The following ABHD17B variants were observed in gnomAD, a reference collection of about 807,000 sequenced individuals.
ABHD17B encodes the protein abhydrolase domain containing 17B, depalmitoylase, also known as alpha/beta hydrolase domain-containing protein 17B.
A neutral mutation model predicts 26.2 loss-of-function variants in ABHD17B; 9 were observed. The observed-to-expected ratio is 0.34, with a 90% CI of 0.21 to 0.60. The LOEUF (loss-of-function observed/expected upper bound fraction) is 0.60. Ranked by LOEUF, ABHD17B falls within the 20% of genes least tolerant of loss-of-function variation. The probability of loss-of-function intolerance (pLI) is 0.80; values close to 1 mark genes in which losing one functional copy is unlikely to be tolerated. For missense variants in ABHD17B, 224 were observed against 352.1 expected, an observed-to-expected ratio of 0.64 and a Z score of 2.91; for synonymous variants, 127 against 122.3, an observed-to-expected ratio of 1.04 and a Z score of -0.25.
intron 1 of ABHD17B, among the ~76,000 whole-genome samples, chr9:71,906,640 A>C (rs13287080): frequency 0.16 from 25,096 of 152,120 alleles, 2,563 homozygotes; most frequent in Admixed American, 0.3. Flanking sequence ...CAAGATAGCA[A>C]GACCCTGTCT....
rs533719916 is a variant in ABHD17B, at chr9:71,869,502, T to C, written c.647+581A>G. Reference sequence around the variant, plus strand: ...GAACTACCTCCTGTCTTGAGAAGCATGAAGGAAAAGTAGCTACTTTCCTTT... The same window carrying C: ...GAACTACCTCCTGTCTTGAGAAGCACGAAGGAAAAGTAGCTACTTTCCTTT... On this transcript the variant is annotated intron_variant, in intron 3 of 3. Coordinates refer to ENST00000333421, the MANE Select transcript of ABHD17B (RefSeq NM_001025780.3). Among the ~76,000 whole-genome samples, 3 of 152,320 alleles carry C rather than the reference T, an allele frequency of 2.0e-5. No homozygotes were observed. The South Asian group carries it at 6.2e-4, about 32-fold the overall frequency.
At chr9:71,892,723 T>C (rs749069711) in intron 1 of ABHD17B, among the ~76,000 whole-genome samples, 4 of 152,090 alleles carry the variant, frequency 2.6e-5, no homozygotes, top group Non-Finnish European at 5.9e-5. Context: ...TGTCATTTCC[T>C]ACAGCTGTTT....
At position 71,893,647 on chromosome 9, in the gene ABHD17B, C is replaced by T. The variant is rs548656009; in HGVS notation, c.-4+16987G>A. ...TTAAATCACTGGCTGTTGGTATCAA[C>T]TTAACCTTCACGCCCTCTCTCCTAC... On this transcript the variant is annotated intron_variant, in intron 1 of 3. Coordinates refer to ENST00000333421, the MANE Select transcript of ABHD17B (RefSeq NM_001025780.3). Among the ~76,000 whole-genome samples, 6 of 152,314 alleles carry T rather than the reference C, an allele frequency of 3.9e-5. No individual in the cohort carries two copies. The South Asian group carries it at 1.2e-3, about 32-fold the overall frequency.
At chr9:71,901,009 G>A (rs889647661) in intron 1 of ABHD17B, among the ~76,000 whole-genome samples, 91 of 152,072 alleles carry the variant, frequency 6.0e-4, no homozygotes, top group African/African-American at 1.9e-3. Flanking sequence ...AAAATTAGCC[G>A]GGCATGGTAG....
chr9:71,869,252 T>A (rs946188440), intron 3 of ABHD17B, among the ~76,000 whole-genome samples: 6 of 152,234 alleles, frequency 3.9e-5, no homozygotes, highest in African/African-American at 1.4e-4. Flanking sequence ...CTTTCCCTAC[T>A]AAAGTGATCC....
chr9:71,878,948 G>A (rs1826360204), intron 1 of ABHD17B, among the ~76,000 whole-genome samples: 1 of 152,142 alleles, frequency 6.6e-6, no homozygotes, highest in Non-Finnish European at 1.5e-5. Flanking sequence ...TTGAGCCCAG[G>A]AATTGAAAAC....
intron 1 of ABHD17B, 88 bp from the exon 2 acceptor site, chr9:71,875,171 T>C: frequency 1.0e-6 from 1 of 995,532 alleles, no homozygotes; most frequent in East Asian, 2.6e-5. Flanking sequence ...TGGGTAAATT[T>C]TATTGGTGGT....
At chr9:71,873,222 T>A (rs1826162737) in intron 2 of ABHD17B, among the ~76,000 whole-genome samples, 2 of 152,096 alleles carry the variant, frequency 1.3e-5, no homozygotes, top group African/African-American at 2.4e-5. Flanking sequence ...TACACTAACC[T>A]GACTAATAAT....
intron 1 of ABHD17B, among the ~76,000 whole-genome samples, chr9:71,892,761 G>C (rs566444831): frequency 7.1e-6 from 1 of 140,952 alleles, no homozygotes; most frequent in African/African-American, 2.6e-5. Context: ...TTGTATCTTG[G>C]TCACTGTAGG....
intron 3 of ABHD17B, among the ~76,000 whole-genome samples, chr9:71,869,565 C>T (rs1001663493): frequency 6.6e-6 from 1 of 152,110 alleles, no homozygotes; most frequent in Admixed American, 6.5e-5. Context: ...TTTGTGGCAG[C>T]AATACTTACT....
At chr9:71,881,911 A>G (rs1214372247) in intron 1 of ABHD17B, among the ~76,000 whole-genome samples, 1 of 141,748 alleles carries the variant, frequency 7.1e-6, no homozygotes, top group Non-Finnish European at 1.5e-5. Context: ...AAAAAAAAGG[A>G]AAAAAAAAAA....
chr9:71,891,275 GAAATTTC>G (rs1826772475), intron 1 of ABHD17B, among the ~76,000 whole-genome samples: 1 of 152,102 alleles, frequency 6.6e-6, no homozygotes, highest in South Asian at 2.1e-4. Context: ...CCTTAGCTCT[GAAATTTC>G]ATAAGCCTAT....
At position 71,865,652 on chromosome 9, in the gene ABHD17B, G is replaced by C. The variant is rs766503811; in HGVS notation, c.*1135C>G. On this transcript the variant is annotated 3_prime_UTR_variant, in exon 4 of 4. Transcript: ENST00000333421. ...AGGCCAAGGGCAGATCATGAGGTCA[G>C]GAGTTCAAGACCAGCCTGATCAACA... 143 of 835,964 alleles carry C rather than the reference G, an allele frequency of 1.7e-4. No homozygotes were observed. The highest frequency in any genetic ancestry group is 2.0e-4 in the Non-Finnish European group (140 of 694,036). 51.8% of individuals were successfully genotyped at this position (835,964 alleles called of 1,614,324 possible). A position where few individuals can be genotyped will look rare whatever the true frequency, so the allele number is the denominator to read the frequency against.
chr9:71,908,679 T>C (rs1257741802), intron 1 of ABHD17B, among the ~76,000 whole-genome samples: 2 of 152,198 alleles, frequency 1.3e-5, no homozygotes, highest in African/African-American at 2.4e-5. Context: ...AATGATGGCA[T>C]AGGGAGAGTC....
intron 1 of ABHD17B, among the ~76,000 whole-genome samples, chr9:71,908,977 T>C (rs1444449855): frequency 6.6e-6 from 1 of 152,234 alleles, no homozygotes; most frequent in Non-Finnish European, 1.5e-5. Context: ...ACTAATTGCT[T>C]AATTCTTCTG....
At chr9:71,885,182 T>C (rs1453420343) in intron 1 of ABHD17B, among the ~76,000 whole-genome samples, 2 of 152,046 alleles carry the variant, frequency 1.3e-5, no homozygotes, top group African/African-American at 2.4e-5. Context: ...CGGTGGCTCA[T>C]GACTGTAATC....
At chr9:71,882,700 G>GTATA (rs1025361797) in intron 1 of ABHD17B, among the ~76,000 whole-genome samples, 1 of 151,480 alleles carries the variant, frequency 6.6e-6, no homozygotes, top group Non-Finnish European at 1.5e-5. Flanking sequence ...ACAAAAGGTA[G>GTATA]TATATATATC....
chr9:71,874,597 T>G lies in ABHD17B; in HGVS notation c.467+17A>C, dbSNP rs751571748. The G allele has an allele frequency of 6.5e-7, 1 of 1,531,070 alleles. No individual in the cohort carries two copies. Among genetic ancestry groups the G allele is most frequent in the South Asian group, 1.3e-5 (1 of 76,850 alleles). 94.8% of individuals were successfully genotyped at this position (1,531,070 alleles called of 1,614,324 possible). ...AACCACCACGAGTATGAAAAATAAATTCCAACCACAATTTACCTTGTCCTA... is the reference window on the plus strand; with the variant it reads ...AACCACCACGAGTATGAAAAATAAAGTCCAACCACAATTTACCTTGTCCTA... On this transcript the variant is annotated intron_variant, in intron 2 of 3. Coordinates refer to ENST00000333421, the MANE Select transcript of ABHD17B (RefSeq NM_001025780.3).
intron 1 of ABHD17B, among the ~76,000 whole-genome samples, chr9:71,907,754 G>A (rs1373255630): frequency 1.3e-4 from 20 of 152,178 alleles, no homozygotes; most frequent in Admixed American, 1.3e-3. Context: ...CAGGTGATCC[G>A]CCTGCCTCGG....
Sources: allele counts gnomAD v4.1 joint callset (sites outside exome capture counted in the v4.1 genomes callset), GRCh38; gene constraint gnomAD v4.1.1; transcripts MANE v1.5; gene names NCBI Gene and HGNC (gene_info 2026-07-23, HGNC 2026-07-21).